NTAN1: variants seen among roughly 807,000 people sequenced by gnomAD.
The protein encoded by NTAN1 is protein N-terminal asparagine amidohydrolase.
In NTAN1, 32 loss-of-function variants were observed where a neutral mutation model predicts 41.9. The ratio of observed to expected loss-of-function variants is 0.76; its 90% CI spans 0.58 to 1.03. NTAN1 has a LOEUF of 1.03. Ranked by LOEUF, NTAN1 falls within the 50% of genes least tolerant of loss-of-function variation. NTAN1 has a pLI of 0.00. For missense variants in NTAN1, 377 were observed against 377.5 expected (o/e 1.00, Z 0.01); for synonymous variants, 140 against 139.5 (o/e 1.00, Z -0.03).
chr16:15,048,118 A>T lies in NTAN1; in HGVS notation c.82-19T>A. The T allele has an allele frequency of 6.7e-7, 1 of 1,502,926 alleles. No individual in the cohort carries two copies. Among genetic ancestry groups the T allele is most frequent in the Non-Finnish European group, 9.1e-7 (1 of 1,094,240 alleles). 93.1% of individuals were successfully genotyped at this position (1,502,926 alleles called of 1,614,324 possible). A position where few individuals can be genotyped will look rare whatever the true frequency, so the allele number is the denominator to read the frequency against. On this transcript the variant is annotated intron_variant, in intron 1 of 9. Coordinates refer to ENST00000287706, the MANE Select transcript of NTAN1 (RefSeq NM_173474.4). ...CTCTTTCCTGTTTAATTAAAAAAAA[A>T]ATAAAATAGTGATGTAAATTAGTGA...
In NTAN1 at chr16:15,056,010, G is replaced by A. The variant is rs1161380639; in HGVS notation, c.-39C>T. 5.4e-6 allele frequency: 6 copies of A among 1,119,124 alleles called. No individual in the cohort carries two copies. In the South Asian group the frequency reaches 1.3e-4, roughly 25 times the overall value. The allele number at this position is 1,119,124 out of a possible 1,614,324, so 69.3% of individuals were successfully genotyped here. Reference sequence around the variant, plus strand: ...GCCCAGGCAGGCCCAGGGAGGCGGCGGCCCCCCGCTTTGCAGCCCCGGGCC... The same window carrying A: ...GCCCAGGCAGGCCCAGGGAGGCGGCAGCCCCCCGCTTTGCAGCCCCGGGCC... On this transcript the variant is annotated 5_prime_UTR_variant, in exon 1 of 10. Transcript: ENST00000287706.
At chr16:15,050,628 A>T (rs1382200931) in intron 1 of NTAN1, among the ~76,000 whole-genome samples, 1 of 151,986 alleles carries the variant, frequency 6.6e-6, no homozygotes, top group Non-Finnish European at 1.5e-5. Context: ...GCTACTCTGG[A>T]GGCTCAGGTA....
rs1254286373 is a variant in NTAN1, at chr16:15,047,763, A to G, written c.250+92T>C. The G allele has an allele frequency of 4.4e-6, 5 of 1,147,418 alleles. No homozygotes were observed. The African/African-American group carries it at 4.6e-5, about 10-fold the overall frequency. The allele number at this position is 1,147,418 out of a possible 1,614,324, so 71.1% of individuals were successfully genotyped here. On this transcript the variant is annotated intron_variant, in intron 3 of 9. Coordinates refer to ENST00000287706, the MANE Select transcript of NTAN1 (RefSeq NM_173474.4). Reference sequence around the variant, plus strand: ...AAAAGGTAAGCGGAGTCCGCTTCCAACAAGACACCAGGAAACTCAACACGA... The same window carrying G: ...AAAAGGTAAGCGGAGTCCGCTTCCAGCAAGACACCAGGAAACTCAACACGA...
At chr16:15,044,459 C>T (rs370640726) in intron 4 of NTAN1, 52 bp from the exon 5 acceptor site, 17 of 1,160,664 alleles carry the variant, frequency 1.5e-5, no homozygotes, top group Admixed American at 6.8e-5. Flanking sequence ...CCGGTGCGTG[C>T]GCTGGTCTCA....
At chr16:15,040,995 T>C (rs368045105) in intron 7 of NTAN1, 73 bp downstream of exon 7, 8 of 1,018,206 alleles carry the variant, frequency 7.9e-6, no homozygotes, top group East Asian at 2.4e-5. Flanking sequence ...AGTGGGGTCA[T>C]TGGTTTGCTG....
At position 15,041,530 on chromosome 16, in the gene NTAN1, C is replaced by T. The variant is rs2043815705; in HGVS notation, c.487+93G>A. The T allele has an allele frequency of 3.5e-6, 3 of 848,512 alleles. No homozygotes were observed. The South Asian group carries it at 4.0e-5, about 11-fold the overall frequency. The allele number at this position is 848,512 out of a possible 1,614,324, so 52.6% of individuals were successfully genotyped here. Reference sequence around the variant, plus strand: ...ACAGATGGTGGCCAAGCAGTGACAGCAGTGTGTGCCGGTGCTTGGGCCCAC... The same window carrying T: ...ACAGATGGTGGCCAAGCAGTGACAGTAGTGTGTGCCGGTGCTTGGGCCCAC... On this transcript the variant is annotated intron_variant, in intron 6 of 9. Transcript: ENST00000287706.
chr16:15,055,569 G>T (rs1031432389), intron 1 of NTAN1, among the ~76,000 whole-genome samples: 7 of 152,244 alleles, frequency 4.6e-5, no homozygotes, highest in Admixed American at 1.3e-4. Flanking sequence ...CAGCCCTATG[G>T]GGGCTGCAGC....
rs1392363388 is a variant in NTAN1, at chr16:15,054,614, G to A, written c.81+1277C>T. 2.0e-5 allele frequency among the ~76,000 whole-genome samples: 3 copies of A among 152,182 alleles called. No individual in the cohort carries two copies. The East Asian group carries it at 5.8e-4, about 29-fold the overall frequency. On this transcript the variant is annotated intron_variant, in intron 1 of 9. Transcript: ENST00000287706. ...GACGATGGTCGGTCCTGAAATGCAA[G>A]CTGAGAATCACACAGAGCTGTCTGC...
At chr16:15,043,303 T>G (rs576152545) in intron 5 of NTAN1, among the ~76,000 whole-genome samples, 1 of 152,336 alleles carries the variant, frequency 6.6e-6, no homozygotes, top group East Asian at 1.9e-4. Context: ...CCCAAAGTGC[T>G]GGGATTACAG....
chr16:15,046,817 G>A (rs1245060837), intron 4 of NTAN1, among the ~76,000 whole-genome samples: 1 of 151,280 alleles, frequency 6.6e-6, no homozygotes, highest in Admixed American at 6.6e-5. Context: ...CAAGGCTGCA[G>A]TAAGCTGAGA....
At chr16:15,038,516 ACAGATGGGGAAAC>A in intron 9 of NTAN1, 45 bp downstream of exon 9, 1 of 989,340 alleles carries the variant, frequency 1.0e-6, no homozygotes, top group Non-Finnish European at 1.6e-6. Context: ...TTTTTTTCTT[ACAGATGGGGAAAC>A]CAGGGTGCAG....
At chr16:15,038,406 C>CATATCCCCATTTGATATACAAGTTAA in intron 9 of NTAN1, 168 bp downstream of exon 9, 1 of 623,696 alleles carries the variant, frequency 1.6e-6, no homozygotes, top group Non-Finnish European at 2.8e-6. Context: ...TAGGACTTGA[C>CATATCCCCATTTGATATACAAGTTAA]ATATCCCCAT....
chr16:15,050,896 G>C (rs892418667), intron 1 of NTAN1, among the ~76,000 whole-genome samples: 7 of 151,468 alleles, frequency 4.6e-5, no homozygotes, highest in South Asian at 2.1e-4. Flanking sequence ...ACAAACTAAA[G>C]ATTAAATGAA....
rs144154223 is a variant in NTAN1, at chr16:15,044,306, G to A, written c.433+28C>T. 3.3e-6 allele frequency: 5 copies of A among 1,516,948 alleles called. No homozygotes were observed. The South Asian group carries it at 3.4e-5, about 10-fold the overall frequency. 94.0% of individuals were successfully genotyped at this position (1,516,948 alleles called of 1,614,324 possible). On this transcript the variant is annotated intron_variant, in intron 5 of 9. Coordinates refer to ENST00000287706, the MANE Select transcript of NTAN1 (RefSeq NM_173474.4). ...ATGGGTACATATTTATGTCCAATTT[G>A]GGGGAAAGAAAAAAAAAATGAACTT...
At chr16:15,052,584 C>T (rs1423735146) in intron 1 of NTAN1, among the ~76,000 whole-genome samples, 1 of 152,206 alleles carries the variant, frequency 6.6e-6, no homozygotes, top group East Asian at 1.9e-4. Context: ...CCTGTAATCC[C>T]AGCACTTTGG....
At chr16:15,054,865 CTG>C (rs2044440039) in intron 1 of NTAN1, among the ~76,000 whole-genome samples, 1 of 152,190 alleles carries the variant, frequency 6.6e-6, no homozygotes, top group Non-Finnish European at 1.5e-5. Flanking sequence ...TAATCACAAA[CTG>C]TACAGCTGTG....
intron 8 of NTAN1, among the ~76,000 whole-genome samples, chr16:15,038,985 C>T (rs2043680254): frequency 6.6e-6 from 1 of 152,148 alleles, no homozygotes. Context: ...TCCCAGGTTA[C>T]GTGTCCAGTA....
chr16:15,045,078 C>G (rs911280702), intron 4 of NTAN1: 1 of 147,848 alleles, frequency 6.8e-6, no homozygotes, highest in Non-Finnish European at 1.5e-5. Flanking sequence ...GAGTCAAGAT[C>G]GTGCCACTGC....
At chr16:15,044,443 A>T (rs1358163398) in intron 4 of NTAN1, 36 bp from the exon 5 acceptor site, 9 of 1,384,654 alleles carry the variant, frequency 6.5e-6, no homozygotes, top group Non-Finnish European at 9.3e-6. Context: ...AGGCCAGAAG[A>T]AGACACCGGT....
Sources: gnomAD v4.1 joint callset for allele counts (sites outside exome capture counted in the v4.1 genomes callset) on GRCh38, gnomAD v4.1.1 for gene constraint, MANE v1.5 for transcripts, NCBI Gene and HGNC (gene_info 2026-07-23, HGNC 2026-07-21) for gene names.